The following FRRS1 variants were observed in gnomAD, a reference collection of about 807,000 sequenced individuals.
The protein encoded by FRRS1 is ferric chelate reductase 1, also known as ferric reductase 1.
A neutral mutation model predicts 70.7 loss-of-function variants in FRRS1; 51 were observed. The observed-to-expected ratio is 0.72, with a 90% confidence interval of 0.58 to 0.91. FRRS1 has a LOEUF of 0.91. FRRS1 is among the 40% of genes least tolerant of loss of function. The pLI is 0.00. For missense variants in FRRS1, 672 were observed against 726.0 expected (o/e 0.93, Z 0.86); for synonymous variants, 225 against 238.7 (o/e 0.94, Z 0.53).
Position 99,728,513 on chromosome 1 carries a change from G to T in FRRS1, c.986C>A (p.Ala329Glu). ...DLNTSYYIFL[A>E]DGAANDGRIY... ...CTTACCATCATTAGCTGCACCATCTGCTAGAAATATGTAATAGCTTGTGTT... is the reference window on the plus strand; with the variant it reads ...CTTACCATCATTAGCTGCACCATCTTCTAGAAATATGTAATAGCTTGTGTT... The change falls in exon 9 of 17, where the codon GCA (alanine) becomes GAA (glutamate). Residue 329 changes from alanine to glutamate, a missense_variant. Transcript: ENST00000646001. 1 of 1,611,966 alleles carries T rather than the reference G, an allele frequency of 6.2e-7. No homozygotes were observed. The highest frequency in any genetic ancestry group is 8.5e-7 in the Non-Finnish European group (1 of 1,178,272).
chr1:99,747,496 G>A, intron 3 of FRRS1, 66 bp from the exon 4 acceptor site: 1 of 1,462,284 alleles, frequency 6.8e-7, no homozygotes, highest in Non-Finnish European at 9.3e-7. Context: ...TTTAGAGGTT[G>A]TACATTACAA....
chr1:99,731,542 CAAATTCA>C (rs1655386559), intron 7 of FRRS1, among the ~76,000 whole-genome samples: 1 of 152,158 alleles, frequency 6.6e-6, no homozygotes, highest in African/African-American at 2.4e-5. Flanking sequence ...GCCAGCAAAT[CAAATTCA>C]ACCTAAAGCT....
chr1:99,751,253 G>A (rs935631349), intron 1 of FRRS1, among the ~76,000 whole-genome samples: 6 of 152,104 alleles, frequency 3.9e-5, no homozygotes, highest in Non-Finnish European at 5.9e-5. Flanking sequence ...AACAGGAGGT[G>A]CGCTATGGGT....
chr1:99,755,821 G>C (rs1656804518), intron 1 of FRRS1, among the ~76,000 whole-genome samples: 1 of 152,166 alleles, frequency 6.6e-6, no homozygotes, highest in Admixed American at 6.5e-5. Context: ...AGACAAGAAA[G>C]GGAAGTGACT....
At chr1:99,740,726 G>T in intron 6 of FRRS1, 67 bp downstream of exon 6, 36 of 1,112,350 alleles carry the variant, frequency 3.2e-5, no homozygotes, top group African/African-American at 4.6e-5. Flanking sequence ...GAGCTCAGGA[G>T]TTCGAGACCG....
intron 14 of FRRS1, 47 bp from the exon 15 acceptor site, chr1:99,710,996 A>G: frequency 6.5e-7 from 1 of 1,547,864 alleles, no homozygotes; most frequent in Non-Finnish European, 8.8e-7. Context: ...TCCCACCAAG[A>G]GAGACAATTG....
intron 7 of FRRS1, among the ~76,000 whole-genome samples, chr1:99,730,916 G>A (rs925349551): frequency 2.6e-5 from 4 of 151,678 alleles, no homozygotes; most frequent in African/African-American, 7.3e-5. Flanking sequence ...CATGCCTGTG[G>A]TCCCAGCTAC....
intron 1 of FRRS1, among the ~76,000 whole-genome samples, chr1:99,763,568 T>C (rs1224080457): frequency 6.6e-6 from 1 of 152,136 alleles, no homozygotes; most frequent in Non-Finnish European, 1.5e-5. Context: ...AAATTTCATT[T>C]CTAGAAATGT....
chr1:99,715,821 T>G, intron 11 of FRRS1, 149 bp from the exon 12 acceptor site: 1 of 454,364 alleles, frequency 2.2e-6, no homozygotes, highest in Non-Finnish European at 4.0e-6. Flanking sequence ...GTAGCCAGGT[T>G]AAGAAAAAAA....
intron 8 of FRRS1, 79 bp from the exon 9 acceptor site, chr1:99,728,719 G>C (rs1655198040): frequency 7.2e-6 from 9 of 1,243,330 alleles, no homozygotes; most frequent in Middle Eastern, 2.0e-4. Flanking sequence ...ATCCTGCCCT[G>C]TTCAGTTTCC....
At chr1:99,763,058 G>A (rs554534915) in intron 1 of FRRS1, among the ~76,000 whole-genome samples, 29 of 152,068 alleles carry the variant, frequency 1.9e-4, no homozygotes, top group African/African-American at 5.8e-4. Flanking sequence ...TCCTCTCCCC[G>A]CAAAACACTC....
intron 1 of FRRS1, among the ~76,000 whole-genome samples, chr1:99,754,289 G>A (rs527308157): frequency 3.5e-4 from 53 of 152,306 alleles, no homozygotes; most frequent in African/African-American, 1.2e-3. Context: ...AACATAATGA[G>A]ACTGTCTGTA....
intron 6 of FRRS1, among the ~76,000 whole-genome samples, chr1:99,738,628 T>C (rs1049326903): frequency 6.6e-6 from 1 of 152,182 alleles, no homozygotes; most frequent in African/African-American, 2.4e-5. Context: ...GAGTTAATAT[T>C]TCAGTCCCTA....
chr1:99,757,398 A>T lies in FRRS1; in HGVS notation c.-105-8397T>A, dbSNP rs559772991. 1.8e-4 allele frequency among the ~76,000 whole-genome samples: 27 copies of T among 152,334 alleles called. No individual in the cohort carries two copies. The South Asian group carries it at 5.6e-3, about 32-fold the overall frequency. On this transcript the variant is annotated intron_variant, in intron 1 of 16. Coordinates refer to ENST00000646001, the MANE Select transcript of FRRS1 (RefSeq NM_001361041.2). The stretch of plus-strand genomic sequence containing the variant: ...GTATCAAGAATTTCAGTAAAAAAGA[A>T]AAGTTCTCAGAATCAAAGGAACAAA...
intron 9 of FRRS1, among the ~76,000 whole-genome samples, chr1:99,727,284 T>A (rs1655122022): frequency 6.6e-6 from 1 of 152,206 alleles, no homozygotes; most frequent in Non-Finnish European, 1.5e-5. Flanking sequence ...TTATTACTCA[T>A]ATTAAGAAAT....
In FRRS1 at chr1:99,719,591, T is replaced by C. The variant is rs746362263; in HGVS notation, c.1063A>G (p.Thr355Ala). 11 of 1,612,132 alleles carry C rather than the reference T, an allele frequency of 6.8e-6. No homozygotes were observed. In the East Asian group the frequency reaches 2.5e-4, roughly 36 times the overall value. The change falls in exon 10 of 17, where the codon ACA (threonine) becomes GCA (alanine). Residue 355 changes from threonine to alanine, a missense_variant. Physicochemically the swap from Thr to Ala is moderately conservative, Grantham distance 58. Coordinates refer to ENST00000646001, the MANE Select transcript of FRRS1 (RefSeq NM_001361041.2). Reference protein sequence around the residue: ...PLITYEKYDVTDSPKNIGGSH... With the variant: ...PLITYEKYDVADSPKNIGGSH... ...CCTCCTATGTTCTTTGGAGAGTCTG[T>C]CACATCATATTTTTCATAGGTAATC...
chr1:99,762,090 A>T (rs896952638), intron 1 of FRRS1, among the ~76,000 whole-genome samples: 10 of 152,212 alleles, frequency 6.6e-5, no homozygotes, highest in African/African-American at 2.4e-4. Context: ...TCACCAAACT[A>T]TCCATAGCTT....
intron 7 of FRRS1, among the ~76,000 whole-genome samples, chr1:99,737,090 T>C (rs1199936554): frequency 6.6e-6 from 1 of 152,070 alleles, no homozygotes; most frequent in African/African-American, 2.4e-5. Flanking sequence ...GTCATCCCTA[T>C]GCCCCAAGGC....
intron 9 of FRRS1, among the ~76,000 whole-genome samples, chr1:99,727,457 T>C (rs1655128817): frequency 6.6e-6 from 1 of 152,154 alleles, no homozygotes; most frequent in Non-Finnish European, 1.5e-5. Context: ...GCAAAAAAAA[T>C]AAATTAATAA....
Sources: allele counts gnomAD v4.1 joint callset (sites outside exome capture counted in the v4.1 genomes callset), GRCh38; gene constraint gnomAD v4.1.1; transcripts MANE v1.5; gene names NCBI Gene and HGNC (gene_info 2026-07-23, HGNC 2026-07-21).